The following PPL variants were observed in gnomAD, a reference collection of about 807,000 sequenced individuals.
PPL encodes the protein periplakin.
In PPL, 198 loss-of-function variants were observed where a neutral mutation model predicts 194.4. That is an observed-to-expected ratio of 1.02 (90% CI 0.91 to 1.15). The LOEUF (loss-of-function observed/expected upper bound fraction) is 1.15. Among genes scored for constraint, PPL ranks in the 50% most tolerant of loss-of-function variants. The pLI is 0.00. For missense variants in PPL, 2,885 were observed against 2,294.8 expected (o/e 1.26, Z -5.25); for synonymous variants, 1,220 against 972.4 (o/e 1.25, Z -4.74).
At position 4,892,216 on chromosome 16, in the gene PPL, G is replaced by A. The variant is rs376445884; in HGVS notation, c.1651-3C>T. Reference sequence around the variant, plus strand: ...CGCAGTAGCTCGTTGGTGATGTTCTGTGGGAACCAGGGCCCCTCAGTTTTG... The same window carrying A: ...CGCAGTAGCTCGTTGGTGATGTTCTATGGGAACCAGGGCCCCTCAGTTTTG... On this transcript the variant is annotated splice_polypyrimidine_tract_variant and splice_region_variant and intron_variant, in intron 14 of 21. Coordinates refer to ENST00000345988, the MANE Select transcript of PPL (RefSeq NM_002705.5). The A allele has an allele frequency of 1.1e-5, 17 of 1,607,474 alleles. No homozygotes were observed. In the African/African-American group the frequency reaches 1.7e-4, roughly 16 times the overall value.
In PPL at chr16:4,902,291, G is replaced by T; in HGVS notation, c.438+115C>A. 1 of 1,488,678 alleles carries T rather than the reference G, an allele frequency of 6.7e-7. No individual in the cohort carries two copies. Among genetic ancestry groups the T allele is most frequent in the Admixed American group, 2.0e-5 (1 of 50,024 alleles). The allele number at this position is 1,488,678 out of a possible 1,614,324, so 92.2% of individuals were successfully genotyped here. On this transcript the variant is annotated intron_variant, in intron 4 of 21. Coordinates refer to ENST00000345988, the MANE Select transcript of PPL (RefSeq NM_002705.5). This position sits in a 1 kb window ranked among gnomAD's most constrained non-coding sequence, Gnocchi z 4.0. ...CACACTGGAAAACCATCAGGACCAC[G>T]ACTGTCTCCCTGGTAAGACCCGGGA...
Position 4,883,442 on chromosome 16 carries a change from T to G in PPL, c.5213A>C (p.Tyr1738Ser). ...GRLTPAQYDR[Y>S]VNKDMSIQEL... ...CTGGATGGACATATCCTTGTTGACA[T>G]AGCGGTCATACTGAGCAGGGGTCAG... Residue 1738 changes from tyrosine (Y) to serine (S), a missense_variant, in exon 22 of 22, where the codon TAT becomes TCT. Coordinates refer to ENST00000345988, the MANE Select transcript of PPL (RefSeq NM_002705.5). The surrounding 1 kb of genome is among the most constrained non-coding windows in gnomAD (Gnocchi z 4.8). 6.2e-7 allele frequency: 1 copy of G among 1,614,178 alleles called. No homozygotes were observed.
In PPL at chr16:4,889,071, A is replaced by G; in HGVS notation, c.2314-10T>C. On this transcript the variant is annotated splice_polypyrimidine_tract_variant and intron_variant, in intron 18 of 21. Transcript: ENST00000345988. ...TCTCATCTAGCAGGTTCTGTAAGAC[A>G]GAGTTTAAAAATCAAAACTAACCAG... 2 of 1,612,614 alleles carry G rather than the reference A, an allele frequency of 1.2e-6. No homozygotes were observed. Among genetic ancestry groups the G allele is most frequent in the Non-Finnish European group, 1.7e-6 (2 of 1,179,022 alleles).
At chr16:4,891,697 A>C in intron 16 of PPL, 114 bp downstream of exon 16, 2 of 1,389,216 alleles carry the variant, frequency 1.4e-6, no homozygotes, top group South Asian at 1.5e-5. Flanking sequence ...TGGGCATTCC[A>C]AACCTGGGGA....
chr16:4,904,674 C>A (rs2088647066), intron 2 of PPL, among the ~76,000 whole-genome samples: 1 of 152,138 alleles, frequency 6.6e-6, no homozygotes, highest in Non-Finnish European at 1.5e-5. Flanking sequence ...AGGGAGGAAA[C>A]AGGGCAGGCG....
chr16:4,890,911 C>T lies in PPL; in HGVS notation c.1979G>A (p.Cys660Tyr), dbSNP rs1422736497. 8 of 1,526,092 alleles carry T rather than the reference C, an allele frequency of 5.2e-6. No individual in the cohort carries two copies. Among genetic ancestry groups the T allele is most frequent in the Non-Finnish European group, 7.1e-6 (8 of 1,129,866 alleles). 94.5% of individuals were successfully genotyped at this position (1,526,092 alleles called of 1,614,324 possible). ...SKGQELAAMA[C>Y]ELQAQKSLLG... ...GAGGGACTTCTGGGCCTGTAACTCACAGGCCATGGCCTGGCGGGGCAGAGG... is the reference window on the plus strand; with the variant it reads ...GAGGGACTTCTGGGCCTGTAACTCATAGGCCATGGCCTGGCGGGGCAGAGG... Residue 660 changes from cysteine to tyrosine, a missense_variant, in exon 17 of 22, where the codon TGT becomes TAT. By Grantham distance (194) the Cys-to-Tyr change is radical (BLOSUM62 -2). Coordinates refer to ENST00000345988, the MANE Select transcript of PPL (RefSeq NM_002705.5).
At chr16:4,928,167 G>C (rs1435160670) in intron 1 of PPL, among the ~76,000 whole-genome samples, 1 of 152,240 alleles carries the variant, frequency 6.6e-6, no homozygotes, top group Non-Finnish European at 1.5e-5. Flanking sequence ...TTTTGAGACA[G>C]AGTCTTGCTC....
chr16:4,902,502 C>G lies in PPL; in HGVS notation c.342G>C (p.Val114=), dbSNP rs921303863. The stretch of plus-strand genomic sequence containing the variant: ...GCTTGTGTTTCCCGCGCAGGTTGGT[C>G]ACACGCTCCTTCAGCTGGCGGATAC... ...AEDIRQLKER[V]TNLRGKHKQI... is the part of the protein sequence containing the mutation. The change falls in exon 4 of 22, where the codon GTG becomes GTC. Residue 114 remains valine (V), a synonymous_variant. Transcript: ENST00000345988. This position sits in a 1 kb window ranked among gnomAD's most constrained non-coding sequence, Gnocchi z 4.0. 6.8e-6 allele frequency: 11 copies of G among 1,613,650 alleles called. No individual in the cohort carries two copies. In the African/African-American group the frequency reaches 1.2e-4, roughly 18 times the overall value.
intron 16 of PPL, 123 bp downstream of exon 16, chr16:4,891,688 G>C (rs2088321745): frequency 2.4e-6 from 3 of 1,256,492 alleles, no homozygotes; most frequent in Non-Finnish European, 3.3e-6. Context: ...TTCCCAATTT[G>C]GGCATTCCAA....
At position 4,894,588 on chromosome 16, in the gene PPL, G is replaced by C. The variant is rs199977200; in HGVS notation, c.1273C>G (p.Leu425Val). Residue 425 changes from leucine (L) to valine (V), a missense_variant, in exon 12 of 22, where the codon CTG becomes GTG. By Grantham distance (32) the Leu-to-Val change is conservative (BLOSUM62 1). Transcript: ENST00000345988. ...GLISRGYSYT[L>V]QKNNGESWEL... ...CAGCTCTCCCCGTTGTTCTTCTGCA[G>C]GGTGTAGCTGTAGCCCCGCGAGATC... 1.9e-6 allele frequency: 3 copies of C among 1,613,750 alleles called. No individual in the cohort carries two copies. Among genetic ancestry groups the C allele is most frequent in the Non-Finnish European group, 2.5e-6 (3 of 1,179,940 alleles).
At position 4,895,634 on chromosome 16, in the gene PPL, T is replaced by C. The variant is rs372908639; in HGVS notation, c.1055A>G (p.Lys352Arg). ...DLNQKYGPDF[K>R]DRYQIELLLR... ...CAGCAGCTCAATCTGGTACCGGTCC[T>C]TGAAGTCAGGGCCATACTTCTGGTT... Residue 352 changes from lysine (K) to arginine (R), a missense_variant, in exon 10 of 22, where the codon AAG (lysine) becomes AGG (arginine). Lys to Arg is a conservative substitution (Grantham distance 26). Coordinates refer to ENST00000345988, the MANE Select transcript of PPL (RefSeq NM_002705.5). 1.4e-5 allele frequency: 22 copies of C among 1,613,960 alleles called. No individual in the cohort carries two copies. The highest frequency in any genetic ancestry group is 1.9e-5 in the Non-Finnish European group (22 of 1,180,034).
intron 2 of PPL, among the ~76,000 whole-genome samples, chr16:4,909,019 T>A (rs2088762587): frequency 6.6e-6 from 1 of 151,968 alleles, no homozygotes; most frequent in Non-Finnish European, 1.5e-5. Context: ...TAACTGCAAA[T>A]GACAAGGGGA....
At chr16:4,929,011 CT>C (rs746050884) in intron 1 of PPL, among the ~76,000 whole-genome samples, 926 of 15,794 alleles carry the variant, frequency 0.059, 130 homozygotes, top group Non-Finnish European at 0.084. Flanking sequence ...GAAACTCTAC[CT>C]TAAAAAAAAA....
chr16:4,890,328 C>G lies in PPL; in HGVS notation c.2169G>C (p.Gln723His). Reference sequence around the variant, plus strand: ...AGGCTGCCTTGGCGCTCTGTAGGCTCTGCGCCCTGTCAAGGCAAAGCGTTC... The same window carrying G: ...AGGCTGCCTTGGCGCTCTGTAGGCTGTGCGCCCTGTCAAGGCAAAGCGTTC... ...NLRQQVERRA[Q>H]SLQSAKAAYE... is the part of the protein sequence containing the mutation. The change falls in exon 18 of 22, where the codon CAG (glutamine) becomes CAC (histidine). Residue 723 changes from glutamine (Q) to histidine (H), a missense_variant. By Grantham distance (24) the Gln-to-His change is conservative. Transcript: ENST00000345988. 10 of 1,612,200 alleles carry G rather than the reference C, an allele frequency of 6.2e-6. No homozygotes were observed. Among genetic ancestry groups the G allele is most frequent in the Non-Finnish European group, 8.5e-6 (10 of 1,179,030 alleles).
chr16:4,891,858 C>T lies in PPL; in HGVS notation c.1921G>A (p.Val641Met). Reference protein sequence around the residue: ...HENHLNQDDTVPESSRVLDSK... With the variant: ...HENHLNQDDTMPESSRVLDSK... Reference sequence around the variant, plus strand: ...TCCAGGACACGGCTGCTCTCAGGCACTGTGTCATCCTGATTCAGATGGTTC... The same window carrying T: ...TCCAGGACACGGCTGCTCTCAGGCATTGTGTCATCCTGATTCAGATGGTTC... Residue 641 changes from valine (V) to methionine (M), a missense_variant, in exon 16 of 22, where the codon GTG becomes ATG. Transcript: ENST00000345988. 6.2e-7 allele frequency: 1 copy of T among 1,613,536 alleles called. No homozygotes were observed. Among genetic ancestry groups the T allele is most frequent in the Non-Finnish European group, 8.5e-7 (1 of 1,180,008 alleles).
chr16:4,934,429 G>A (rs551342877), intron 1 of PPL, among the ~76,000 whole-genome samples: 7 of 152,088 alleles, frequency 4.6e-5, no homozygotes, highest in Non-Finnish European at 8.8e-5. Flanking sequence ...CCTCATCCGG[G>A]CACCTCCTGT....
At chr16:4,900,728 C>G (rs1214014205) in intron 6 of PPL, 102 bp downstream of exon 6, 43 of 1,514,632 alleles carry the variant, frequency 2.8e-5, no homozygotes, top group Non-Finnish European at 6.4e-6. Context: ...CCATGCCCAG[C>G]TGCCTATGTC....
At chr16:4,887,952 T>TA (rs1396411291) in intron 20 of PPL, 150 bp downstream of exon 20, 24 of 642,780 alleles carry the variant, frequency 3.7e-5, no homozygotes, top group Non-Finnish European at 5.9e-5. Context: ...CCTCATCTCT[T>TA]ACCAAACCTG....
chr16:4,904,345 C>G (rs1424716687), intron 2 of PPL, among the ~76,000 whole-genome samples: 1 of 152,220 alleles, frequency 6.6e-6, no homozygotes, highest in Non-Finnish European at 1.5e-5. Context: ...CAGCTGTGAA[C>G]AGAAGAGACA....
Sources: gnomAD v4.1 joint callset for allele counts (sites outside exome capture counted in the v4.1 genomes callset) on GRCh38, gnomAD v4.1.1 for gene constraint, Gnocchi (gnomAD v3.1) non-coding constraint, MANE v1.5 for transcripts, NCBI Gene and HGNC (gene_info 2026-07-23, HGNC 2026-07-21) for gene names.